Variants in ANO3 observed in about 807,000 individuals in gnomAD.
ANO3 encodes anoctamin-3.
A neutral mutation model predicts 144.8 loss-of-function variants in ANO3; 99 were observed. The ratio of observed to expected loss-of-function variants is 0.68; its 90% CI spans 0.58 to 0.81. The LOEUF is 0.81. Ranked by LOEUF, ANO3 falls within the 30% of genes least tolerant of loss-of-function variation. The pLI is 0.00. For synonymous variants in ANO3, 414 were observed against 392.6 expected, an observed-to-expected ratio of 1.05 and a Z score of -0.64; for missense variants, 905 against 1,202.2, an observed-to-expected ratio of 0.75 and a Z score of 3.66.
chr11:26,626,545 A>C (rs2133017144), intron 18 of ANO3, among the ~76,000 whole-genome samples: 1 of 152,304 alleles, frequency 6.6e-6, no homozygotes, highest in Middle Eastern at 3.4e-3. Flanking sequence ...TTGGCATGAA[A>C]GCTGAGGTAT....
At chr11:26,593,716 T>A (rs1020302345) in intron 14 of ANO3, among the ~76,000 whole-genome samples, 1 of 152,188 alleles carries the variant, frequency 6.6e-6, no homozygotes, top group South Asian at 2.1e-4. Flanking sequence ...TTATTTCTAT[T>A]TGGACAATCT....
intron 1 of ANO3, among the ~76,000 whole-genome samples, chr11:26,437,787 A>G (rs1444378286): frequency 6.6e-6 from 1 of 152,226 alleles, no homozygotes; most frequent in Non-Finnish European, 1.5e-5. Flanking sequence ...GAACATACAT[A>G]AGTCTGATTT....
intron 1 of ANO3, among the ~76,000 whole-genome samples, chr11:26,225,351 A>G (rs1266732497): frequency 6.6e-6 from 1 of 152,140 alleles, no homozygotes; most frequent in Non-Finnish European, 1.5e-5. Context: ...ATTTAGAGTG[A>G]GACAAGTAAA....
chr11:26,323,860 A>G (rs11029518), intron 1 of ANO3, among the ~76,000 whole-genome samples: 17,340 of 152,186 alleles, frequency 0.11, 2,319 homozygotes, highest in African/African-American at 0.33. Context: ...ACCCTTTGTG[A>G]CATTTTAATT....
At chr11:26,516,602 C>A (rs928393450) in intron 5 of ANO3, among the ~76,000 whole-genome samples, 1 of 151,900 alleles carries the variant, frequency 6.6e-6, no homozygotes, top group Non-Finnish European at 1.5e-5. Flanking sequence ...AGAAAATGCA[C>A]TAATGCACAT....
chr11:26,595,684 G>A (rs1851605318), intron 14 of ANO3, among the ~76,000 whole-genome samples: 1 of 151,956 alleles, frequency 6.6e-6, no homozygotes, highest in African/African-American at 2.4e-5. Context: ...GGTCTGATCG[G>A]ACTTTGTATG....
At chr11:26,287,849 A>G (rs1223346258) in intron 1 of ANO3, 7 of 152,224 alleles carry the variant, frequency 4.6e-5, no homozygotes, top group Non-Finnish European at 7.4e-5. Context: ...ACTGGAATTA[A>G]TGGCAGAGGA....
At chr11:26,649,112 A>G (rs1362147113) in intron 24 of ANO3, among the ~76,000 whole-genome samples, 1 of 152,100 alleles carries the variant, frequency 6.6e-6, no homozygotes, top group Non-Finnish European at 1.5e-5. Context: ...TAAATTGTCT[A>G]CTTTATTTTA....
At chr11:26,534,040 G>A (rs1055274605) in intron 8 of ANO3, among the ~76,000 whole-genome samples, 3 of 152,132 alleles carry the variant, frequency 2.0e-5, no homozygotes, top group Non-Finnish European at 2.9e-5. Context: ...GACAATAATA[G>A]AGCATCAAGG....
At chr11:26,606,211 T>G (rs1851932212) in intron 17 of ANO3, among the ~76,000 whole-genome samples, 1 of 150,970 alleles carries the variant, frequency 6.6e-6, no homozygotes, top group South Asian at 2.1e-4. Context: ...AATCATTCAG[T>G]TCACTTTCTA....
upstream of ANO3, among the ~76,000 whole-genome samples, chr11:26,306,662 T>C (rs563028192): frequency 7.0e-4 from 106 of 152,000 alleles, no homozygotes; most frequent in South Asian, 1.2e-3. Flanking sequence ...AGATCCTGTC[T>C]CTAAAAAAAA....
intron 1 of ANO3, 21 bp from the exon 2 acceptor site, chr11:26,441,897 C>G (rs1435222094): frequency 6.3e-7 from 1 of 1,587,516 alleles, no homozygotes; most frequent in African/African-American, 1.4e-5. Context: ...ATTGCTAAAA[C>G]TCAACATTTT....
chr11:26,507,023 G>A (rs888010807), intron 4 of ANO3, among the ~76,000 whole-genome samples: 5 of 152,176 alleles, frequency 3.3e-5, no homozygotes, highest in African/African-American at 1.2e-4. Context: ...AGTTGGTACA[G>A]ATGTCCAAAT....
In ANO3 at chr11:26,599,565, A is replaced by C; in HGVS notation, c.1687A>C (p.Thr563Pro). 6.2e-7 allele frequency: 1 copy of C among 1,613,564 alleles called. No homozygotes were observed. Among genetic ancestry groups the C allele is most frequent in the South Asian group, 1.1e-5 (1 of 90,982 alleles). Reference sequence around the variant, plus strand: ...AATATTGTAGATATCCTTGGTGATCACTGCAGTGTTTGGAGTTGTGGTGTA... The same window carrying C: ...AATATTGTAGATATCCTTGGTGATCCCTGCAGTGTTTGGAGTTGTGGTGTA... ...GIFFMISLVITAVFGVVVYRL... is the reference protein window; with the variant it reads ...GIFFMISLVIPAVFGVVVYRL... Residue 563 changes from threonine to proline, a missense_variant, in exon 17 of 27, where the codon ACT (threonine) becomes CCT (proline). Transcript: ENST00000256737.
intron 19 of ANO3, 108 bp from the exon 20 acceptor site, chr11:26,634,905 C>A: frequency 1.2e-6 from 1 of 814,624 alleles, no homozygotes; most frequent in South Asian, 1.6e-5. Flanking sequence ...ACAGATTGCA[C>A]CAGTGAGCGT....
At chr11:26,632,661 A>G (rs779834246) in intron 18 of ANO3, among the ~76,000 whole-genome samples, 5 of 151,450 alleles carry the variant, frequency 3.3e-5, no homozygotes, top group Non-Finnish European at 7.4e-5. Context: ...CCCAACAGGA[A>G]CACAAATATT....
chr11:26,547,688 C>CTTT, intron 12 of ANO3, 138 bp downstream of exon 12: 1 of 831,166 alleles, frequency 1.2e-6, no homozygotes, highest in Non-Finnish European at 1.8e-6. Flanking sequence ...TGTTTTTTGG[C>CTTT]TTTTGTTTTT....
chr11:26,378,314 G>T (rs1370752680), intron 1 of ANO3, among the ~76,000 whole-genome samples: 2 of 147,548 alleles, frequency 1.4e-5, no homozygotes, highest in African/African-American at 4.9e-5. Context: ...TATATATATA[G>T]ATAGATAGAT....
chr11:26,438,465 G>A (rs567337568), intron 1 of ANO3, among the ~76,000 whole-genome samples: 99 of 151,696 alleles, frequency 6.5e-4, no homozygotes, highest in Middle Eastern at 3.4e-3. Context: ...CACAGCTGCC[G>A]GCCGGGTGCA....
Sources: allele counts gnomAD v4.1 joint callset (sites outside exome capture counted in the v4.1 genomes callset), GRCh38; gene constraint gnomAD v4.1.1; transcripts MANE v1.5; gene names NCBI Gene and HGNC (gene_info 2026-07-23, HGNC 2026-07-21).